The following ABLIM1 variants were observed in gnomAD, a reference collection of about 807,000 sequenced individuals.
ABLIM1 encodes the protein actin-binding LIM protein 1.
In ABLIM1, 40 loss-of-function variants were observed where a neutral mutation model predicts 107.0. The observed-to-expected ratio is 0.37, with a 90% confidence interval of 0.29 to 0.49. ABLIM1 has a LOEUF of 0.49. ABLIM1 is among the 20% of genes least tolerant of loss of function. ABLIM1 has a pLI of 0.97. For synonymous variants in ABLIM1, 357 were observed against 357.3 expected (o/e 1.00, Z 0.01); for missense variants, 857 against 1,008.5 (o/e 0.85, Z 2.04).
In ABLIM1 at chr10:114,435,229, T is replaced by C. The variant is rs2059253034; in HGVS notation, c.*1031A>G. 6.6e-6 allele frequency: 1 copy of C among 152,234 alleles called. No individual in the cohort carries two copies. The highest frequency in any genetic ancestry group is 1.5e-5 in the Non-Finnish European group (1 of 68,048). The allele number at this position is 152,234 out of a possible 1,614,324, so 9.4% of individuals were successfully genotyped here. A position where few individuals can be genotyped will look rare whatever the true frequency, so the allele number is the denominator to read the frequency against. ...AACATGTCTTTCCTTAGCCTATTAT[T>C]GAAAGAAACCTTAAAAACCAACAAC... is the stretch of plus-strand genomic sequence containing the variant. On this transcript the variant is annotated 3_prime_UTR_variant, in exon 23 of 23. Coordinates refer to ENST00000533213, the MANE Select transcript of ABLIM1 (RefSeq NM_002313.7).
intron 6 of ABLIM1, among the ~76,000 whole-genome samples, chr10:114,511,790 A>G (rs899918374): frequency 1.3e-5 from 2 of 150,474 alleles, no homozygotes; most frequent in African/African-American, 5.0e-5. Flanking sequence ...ACTAGTCTCA[A>G]CTCTCAGCAG....
chr10:114,447,580 CAG>C (rs1274262499), intron 15 of ABLIM1, among the ~76,000 whole-genome samples: 2 of 152,244 alleles, frequency 1.3e-5, no homozygotes, highest in African/African-American at 4.8e-5. Flanking sequence ...CTATGTTCAA[CAG>C]AGTTACTGAT....
At chr10:114,511,654 C>G (rs2061894665) in intron 6 of ABLIM1, among the ~76,000 whole-genome samples, 1 of 152,082 alleles carries the variant, frequency 6.6e-6, no homozygotes, top group South Asian at 2.1e-4. Flanking sequence ...CGTGAGCCAC[C>G]ACACCTGGCC....
At chr10:114,753,323 C>G (rs560874764) in intron 1 of ABLIM1, among the ~76,000 whole-genome samples, 15 of 152,238 alleles carry the variant, frequency 9.9e-5, no homozygotes, top group Middle Eastern at 3.4e-3. Flanking sequence ...GCTCTCTTTC[C>G]GTTATTTCTG....
chr10:114,444,153 A>G lies in ABLIM1; in HGVS notation c.1828-19T>C, dbSNP rs200143969. ...AGTTAAGCTATTCACAGAAAAAAGGAAAAAAAAAAAAAAAAGAAAGCAAAG... is the reference window on the plus strand; with the variant it reads ...AGTTAAGCTATTCACAGAAAAAAGGGAAAAAAAAAAAAAAAGAAAGCAAAG... On this transcript the variant is annotated intron_variant, in intron 16 of 22. Coordinates refer to ENST00000533213, the MANE Select transcript of ABLIM1 (RefSeq NM_002313.7). 4.9e-5 allele frequency: 9 copies of G among 182,284 alleles called. No individual in the cohort carries two copies. In the South Asian group the frequency reaches 6.6e-4, roughly 13 times the overall value. The allele number at this position is 182,284 out of a possible 1,614,324, so 11.3% of individuals were successfully genotyped here.
chr10:114,594,564 A>G (rs560699816), intron 2 of ABLIM1, among the ~76,000 whole-genome samples: 38 of 152,278 alleles, frequency 2.5e-4, no homozygotes, highest in African/African-American at 8.2e-4. Flanking sequence ...AGCCTGGCCA[A>G]CATGGTGAAA....
intron 1 of ABLIM1, among the ~76,000 whole-genome samples, chr10:114,604,854 T>C (rs1375369807): frequency 1.3e-5 from 2 of 152,234 alleles, no homozygotes; most frequent in Non-Finnish European, 2.9e-5. Context: ...TGAGTAATGA[T>C]GAGGGAAGGA....
intron 6 of ABLIM1, among the ~76,000 whole-genome samples, chr10:114,501,506 C>T (rs2060419664): frequency 6.6e-6 from 1 of 152,148 alleles, no homozygotes; most frequent in African/African-American, 2.4e-5. Context: ...CACAGTTTGG[C>T]AAGGCTAACG....
intron 1 of ABLIM1, among the ~76,000 whole-genome samples, chr10:114,695,619 G>A (rs1281388538): frequency 6.6e-6 from 1 of 152,132 alleles, no homozygotes; most frequent in Non-Finnish European, 1.5e-5. Flanking sequence ...ATTATACAAA[G>A]TCACTGACCT....
chr10:114,580,624 A>G (rs2073252254), intron 2 of ABLIM1, among the ~76,000 whole-genome samples: 1 of 152,214 alleles, frequency 6.6e-6, no homozygotes, highest in South Asian at 2.1e-4. Flanking sequence ...TAAGAGTCCT[A>G]TACTTTTTGA....
At chr10:114,597,548 G>A (rs888305735) in intron 2 of ABLIM1, among the ~76,000 whole-genome samples, 1 of 151,292 alleles carries the variant, frequency 6.6e-6, no homozygotes, top group African/African-American at 2.4e-5. Context: ...AAATAGAATG[G>A]AATGAGAAGG....
At chr10:114,618,816 G>A (rs2077288181) in intron 1 of ABLIM1, among the ~76,000 whole-genome samples, 1 of 152,220 alleles carries the variant, frequency 6.6e-6, no homozygotes, top group Non-Finnish European at 1.5e-5. Context: ...ATGTTTAGTA[G>A]TTGGCATCTT....
chr10:114,458,388 C>G (rs992760409), intron 12 of ABLIM1, among the ~76,000 whole-genome samples: 1 of 152,124 alleles, frequency 6.6e-6, no homozygotes, highest in Non-Finnish European at 1.5e-5. Flanking sequence ...ATGCCCATCT[C>G]CACTTTCATT....
At chr10:114,560,852 T>C (rs2069592340) in intron 4 of ABLIM1, among the ~76,000 whole-genome samples, 1 of 152,158 alleles carries the variant, frequency 6.6e-6, no homozygotes, top group Non-Finnish European at 1.5e-5. Context: ...AGAAAGCAGA[T>C]TGGTAGTTTC....
chr10:114,458,403 T>A (rs1353991417), intron 12 of ABLIM1, among the ~76,000 whole-genome samples: 1 of 152,126 alleles, frequency 6.6e-6, no homozygotes, highest in Non-Finnish European at 1.5e-5. Flanking sequence ...TTCATTCTTC[T>A]TTTTGGCACC....
At chr10:114,645,201 G>C (rs2078961086) in intron 1 of ABLIM1, among the ~76,000 whole-genome samples, 2 of 152,158 alleles carry the variant, frequency 1.3e-5, no homozygotes, top group African/African-American at 4.8e-5. Context: ...CAAAATGCGT[G>C]AGTTAATGTA....
At chr10:114,466,769 G>C (rs2065256431) in intron 11 of ABLIM1, among the ~76,000 whole-genome samples, 1 of 152,142 alleles carries the variant, frequency 6.6e-6, no homozygotes, top group Admixed American at 6.5e-5. Context: ...CCCTTTAAAA[G>C]GAGGAATAAT....
intron 1 of ABLIM1, among the ~76,000 whole-genome samples, chr10:114,744,135 C>T (rs1340668978): frequency 6.6e-6 from 1 of 152,184 alleles, no homozygotes; most frequent in Non-Finnish European, 1.5e-5. Context: ...ATTCTGGGAA[C>T]ACTCTCTAGG....
rs182869488 is a variant in ABLIM1, at chr10:114,451,615, G to A, written c.1594+9C>T. 4.5e-5 allele frequency: 72 copies of A among 1,610,846 alleles called. No homozygotes were observed. Among genetic ancestry groups the A allele is most frequent in the Middle Eastern group, 1.7e-4 (1 of 6,058 alleles). On this transcript the variant is annotated intron_variant, in intron 14 of 22. Coordinates refer to ENST00000533213, the MANE Select transcript of ABLIM1 (RefSeq NM_002313.7). ...ATTTAAAAGCTACGCGGAGGAAAGCGGGTTTTACCATGCTGTTTGTAGATG... is the reference window on the plus strand; with the variant it reads ...ATTTAAAAGCTACGCGGAGGAAAGCAGGTTTTACCATGCTGTTTGTAGATG...
Sources: allele counts gnomAD v4.1 joint callset (sites outside exome capture counted in the v4.1 genomes callset), GRCh38; gene constraint gnomAD v4.1.1; transcripts MANE v1.5; gene names NCBI Gene and HGNC (gene_info 2026-07-23, HGNC 2026-07-21).